Variants in DPP10 observed in about 807,000 individuals in gnomAD.
DPP10 encodes dipeptidyl peptidase like 10.
In DPP10, 33 loss-of-function variants were observed where a neutral mutation model predicts 120.9. The ratio of observed to expected loss-of-function variants is 0.27; its 90% CI spans 0.21 to 0.37. The LOEUF is 0.37. Among genes scored for constraint, DPP10 ranks in the 10% least tolerant of loss-of-function variants. The probability of loss-of-function intolerance (pLI) is 1.00; values close to 1 mark genes in which losing one functional copy is unlikely to be tolerated. For synonymous variants in DPP10, 337 were observed against 326.1 expected (o/e 1.03, Z -0.36); for missense variants, 816 against 942.8 (o/e 0.87, Z 1.76).
Position 115,208,974 on chromosome 2 carries a change from G to A in DPP10, c.61-100265G>A, listed in dbSNP as rs149026081. On this transcript the variant is annotated intron_variant, in intron 1 of 25. Coordinates refer to ENST00000410059, the MANE Select transcript of DPP10 (RefSeq NM_020868.6). ...AACTCTTTTGAAATTGGCTTTGTGT[G>A]TAGACAACAGATGAGTTCTCAGATC... Among the ~76,000 whole-genome samples the A allele has an allele frequency of 3.2e-3, 486 of 152,258 alleles. 5 individuals carry two copies. The highest frequency in any genetic ancestry group is 0.011 in the African/African-American group (464 of 41,552).
chr2:115,596,984 C>G (rs980622254), intron 5 of DPP10, among the ~76,000 whole-genome samples: 1 of 152,112 alleles, frequency 6.6e-6, no homozygotes, highest in African/African-American at 2.4e-5. Flanking sequence ...CAGAGTGGAG[C>G]CCCTTGGTGA....
At chr2:114,928,743 T>C (rs1044302194) in intron 1 of DPP10, among the ~76,000 whole-genome samples, 9 of 152,100 alleles carry the variant, frequency 5.9e-5, no homozygotes, top group African/African-American at 2.2e-4. Context: ...GCACCACACA[T>C]TCCCATACAT....
intron 1 of DPP10, chr2:115,161,640 C>G (rs1435737018): frequency 1.2e-5 from 3 of 250,312 alleles, no homozygotes; most frequent in Non-Finnish European, 2.3e-5. Context: ...GGTCAGGGGC[C>G]GGGGCCCCGC....
rs114436034 is a variant in DPP10 at position 114,861,160 on chromosome 2, G to A, written c.60+418322G>A. On this transcript the variant is annotated intron_variant, in intron 1 of 25. Coordinates refer to ENST00000410059, the MANE Select transcript of DPP10 (RefSeq NM_020868.6). ...AGTGCCTGTGACATGAACTCCACTC[G>A]TTGCTTCAGTCCTGGGTCGATGGGA... Among the ~76,000 whole-genome samples the A allele has an allele frequency of 8.5e-3, 1,297 of 152,238 alleles. 20 individuals carry two copies. The highest frequency in any genetic ancestry group is 0.03 in the African/African-American group (1,240 of 41,548).
chr2:114,915,914 A>T (rs1312893491), intron 1 of DPP10, among the ~76,000 whole-genome samples: 1 of 152,148 alleles, frequency 6.6e-6, no homozygotes, highest in African/African-American at 2.4e-5. Flanking sequence ...TAACAGTTCT[A>T]ACATCATATG....
rs1024697569 is a variant in DPP10, at chr2:115,343,758, G to T, written c.176-59G>T. ...GCAAATATTCCAAATTTTGTAATTT[G>T]CTCCTTTTAAAAAACAAGCATAAGA... On this transcript the variant is annotated intron_variant, in intron 2 of 25. Transcript: ENST00000410059. The T allele has an allele frequency of 5.9e-6, 7 of 1,186,420 alleles. No individual in the cohort carries two copies. The East Asian group carries it at 1.5e-4, about 25-fold the overall frequency. 73.5% of individuals were successfully genotyped at this position (1,186,420 alleles called of 1,614,324 possible).
chr2:114,631,463 A>G (rs1694920343), intron 1 of DPP10, among the ~76,000 whole-genome samples: 1 of 152,144 alleles, frequency 6.6e-6, no homozygotes, highest in African/African-American at 2.4e-5. Flanking sequence ...CTAAAGGAAG[A>G]GACATGGTTT....
At chr2:114,610,217 G>C (rs1693173362) in intron 1 of DPP10, among the ~76,000 whole-genome samples, 1 of 151,722 alleles carries the variant, frequency 6.6e-6, no homozygotes, top group African/African-American at 2.4e-5. Context: ...TTTTGGGTCT[G>C]TATTTGCCTT....
At position 115,166,179 on chromosome 2, in the gene DPP10, A is replaced by G. The variant is rs977380792; in HGVS notation, c.61-143060A>G. 1.4e-4 allele frequency among the ~76,000 whole-genome samples: 21 copies of G among 152,300 alleles called. No homozygotes were observed. In the East Asian group the frequency reaches 4.0e-3, roughly 29 times the overall value. On this transcript the variant is annotated intron_variant, in intron 1 of 25. Transcript: ENST00000410059. ...TATTCAAACATATGCTTAATGAAAA[A>G]TTGCAAAAGAGTTATTCTTCCATGT...
intron 7 of DPP10, among the ~76,000 whole-genome samples, chr2:115,691,507 G>A (rs964723990): frequency 2.0e-5 from 3 of 152,082 alleles, no homozygotes; most frequent in Non-Finnish European, 4.4e-5. Context: ...GTGTTACAGT[G>A]TTATGCTGTA....
intron 2 of DPP10, among the ~76,000 whole-genome samples, chr2:115,320,413 T>C (rs2062001905): frequency 6.6e-6 from 1 of 152,128 alleles, no homozygotes; most frequent in South Asian, 2.1e-4. Context: ...ACGTGTTTTT[T>C]TTCTTTAAGT....
chr2:115,470,890 T>C lies in DPP10; in HGVS notation c.272-28620T>C, dbSNP rs536103947. The stretch of plus-strand genomic sequence containing the variant: ...CAGACAGTCACCTTTCTTATTATTT[T>C]ACTGCCCTCATGACATAATATTGTA... On this transcript the variant is annotated intron_variant, in intron 3 of 25. Transcript: ENST00000410059. 2.6e-5 allele frequency among the ~76,000 whole-genome samples: 4 copies of C among 152,320 alleles called. No individual in the cohort carries two copies. In the East Asian group the frequency reaches 7.7e-4, roughly 29 times the overall value.
intron 3 of DPP10, among the ~76,000 whole-genome samples, chr2:115,462,727 T>C (rs1257013032): frequency 6.6e-6 from 1 of 152,200 alleles, no homozygotes; most frequent in Non-Finnish European, 1.5e-5. Flanking sequence ...TGATGTTTTT[T>C]GTTTTTGTTC....
At chr2:115,763,403 C>T (rs1680340413) in intron 12 of DPP10, among the ~76,000 whole-genome samples, 1 of 152,070 alleles carries the variant, frequency 6.6e-6, no homozygotes, top group African/African-American at 2.4e-5. Context: ...GCTTCATACT[C>T]CCCAGGTCTA....
intron 1 of DPP10, among the ~76,000 whole-genome samples, chr2:114,449,786 G>C (rs1004816706): frequency 1.3e-5 from 2 of 152,140 alleles, no homozygotes; most frequent in African/African-American, 4.8e-5. Context: ...TTTTCATAAG[G>C]AGTTGTATAG....
chr2:115,737,584 C>G (rs1559092899), intron 8 of DPP10, among the ~76,000 whole-genome samples: 1 of 152,090 alleles, frequency 6.6e-6, no homozygotes, highest in Non-Finnish European at 1.5e-5. Context: ...GCCATTGGAT[C>G]TGCTGGAGTC....
intron 19 of DPP10, among the ~76,000 whole-genome samples, chr2:115,800,468 T>G (rs538062747): frequency 3.8e-4 from 58 of 152,326 alleles, no homozygotes; most frequent in African/African-American, 1.3e-3. Flanking sequence ...TTTTGGCTTT[T>G]GTTGCCATTG....
At chr2:114,534,165 T>C (rs1227386731) in intron 1 of DPP10, among the ~76,000 whole-genome samples, 8 of 152,210 alleles carry the variant, frequency 5.3e-5, no homozygotes, top group Admixed American at 5.2e-4. Flanking sequence ...ATATTTTTCT[T>C]ATGTGTTATT....
Position 115,780,975 on chromosome 2 carries a change from A to G in DPP10, c.1463A>G (p.His488Arg), listed in dbSNP as rs184461425. 5 of 1,587,984 alleles carry G rather than the reference A, an allele frequency of 3.1e-6. No individual in the cohort carries two copies. The African/African-American group carries it at 5.4e-5, about 17-fold the overall frequency. ...GCCAGTTTTAGTCCCATGAATCAAC[A>G]TTTCTTATTATTCTGTGAAGGTAAG... is the stretch of plus-strand genomic sequence containing the variant. ...FDASFSPMNQHFLLFCEGPRV... is the reference protein window; with the variant it reads ...FDASFSPMNQRFLLFCEGPRV... The change falls in exon 16 of 26, where the codon CAT becomes CGT. Residue 488 changes from histidine (H) to arginine (R), a missense_variant. By Grantham distance (29) the His-to-Arg change is conservative (BLOSUM62 0). Transcript: ENST00000410059.
Sources: gnomAD v4.1 joint callset for allele counts (sites outside exome capture counted in the v4.1 genomes callset) on GRCh38, gnomAD v4.1.1 for gene constraint, MANE v1.5 for transcripts, NCBI Gene and HGNC (gene_info 2026-07-23, HGNC 2026-07-21) for gene names.